Variants in CEP85L observed in about 807,000 individuals in gnomAD.
The protein encoded by CEP85L is centrosomal protein 85L, also known as centrosomal protein of 85 kDa-like.
In CEP85L, 60 loss-of-function variants were observed where a neutral mutation model predicts 100.3. The observed-to-expected ratio is 0.60, with a 90% CI of 0.49 to 0.74. CEP85L has a LOEUF of 0.74. Among genes scored for constraint, CEP85L ranks in the 30% least tolerant of loss-of-function variants. The pLI, the probability that CEP85L is intolerant of heterozygous loss-of-function variation, is 0.00. For missense variants in CEP85L, 973 were observed against 936.2 expected, an observed-to-expected ratio of 1.04 and a Z score of -0.51; for synonymous variants, 319 against 322.7, an observed-to-expected ratio of 0.99 and a Z score of 0.12.
At chr6:118,547,035 TA>T (rs1778246276) in intron 3 of CEP85L, among the ~76,000 whole-genome samples, 1 of 152,142 alleles carries the variant, frequency 6.6e-6, no homozygotes, top group South Asian at 2.1e-4. Flanking sequence ...TAAGGGCATG[TA>T]AGCAGCTGCT....
chr6:118,505,474 T>G (rs959426029), intron 5 of CEP85L, among the ~76,000 whole-genome samples: 40 of 134,780 alleles, frequency 3.0e-4, no homozygotes, highest in African/African-American at 1.1e-3. Flanking sequence ...TACAAATATA[T>G]GCATTCCTGG....
chr6:118,652,764 A>G (rs1385565639), upstream of CEP85L: 26 of 1,534,876 alleles, frequency 1.7e-5, no homozygotes, highest in East Asian at 4.9e-5. Context: ...TAGACTTCCA[A>G]TTATTTCTCC....
intron 2 of CEP85L, among the ~76,000 whole-genome samples, chr6:118,623,909 T>C (rs1451853382): frequency 1.3e-5 from 2 of 152,326 alleles, no homozygotes; most frequent in East Asian, 3.9e-4. Flanking sequence ...TTCCCATCTA[T>C]GGATCCCTTG....
intron 3 of CEP85L, among the ~76,000 whole-genome samples, chr6:118,561,048 A>G (rs143537451): frequency 3.0e-4 from 45 of 152,210 alleles, no homozygotes; most frequent in Non-Finnish European, 5.6e-4. Flanking sequence ...TGCTAACTCA[A>G]TAGTGAAGGA....
At chr6:118,501,986 C>A in intron 5 of CEP85L, 1 of 832,328 alleles carries the variant, frequency 1.2e-6, no homozygotes. Flanking sequence ...GGAAAACTGA[C>A]CAGGTGGCTT....
intron 10 of CEP85L, among the ~76,000 whole-genome samples, chr6:118,475,088 T>C (rs1773252550): frequency 2.6e-5 from 4 of 152,176 alleles, no homozygotes. Context: ...CTGGATATGG[T>C]CAAGAGTCAC....
chr6:118,588,416 C>G (rs895567883), intron 2 of CEP85L, among the ~76,000 whole-genome samples: 1 of 152,210 alleles, frequency 6.6e-6, no homozygotes, highest in African/African-American at 2.4e-5. Flanking sequence ...GGTAGTAGCA[C>G]AAAATCGACA....
At chr6:118,589,977 C>G (rs527375221) in intron 2 of CEP85L, among the ~76,000 whole-genome samples, 54 of 152,270 alleles carry the variant, frequency 3.5e-4, no homozygotes, top group African/African-American at 1.0e-3. Context: ...CAGCACTACC[C>G]TCCTCTCTCC....
At chr6:118,602,702 C>T (rs1459932877) in intron 2 of CEP85L, among the ~76,000 whole-genome samples, 3 of 152,132 alleles carry the variant, frequency 2.0e-5, no homozygotes, top group Non-Finnish European at 4.4e-5. Flanking sequence ...GACCGATATG[C>T]TTTATAAAAC....
At chr6:118,593,492 A>T (rs150963479) in intron 2 of CEP85L, among the ~76,000 whole-genome samples, 167 of 152,194 alleles carry the variant, frequency 1.1e-3, no homozygotes, top group African/African-American at 3.9e-3. Flanking sequence ...GAGAGGTGCT[A>T]CACACTTTTA....
At chr6:118,651,716 G>T, upstream of CEP85L, 1 of 863,062 alleles carries the variant, frequency 1.2e-6, no homozygotes, top group Non-Finnish European at 1.4e-6. Context: ...GGGACTGCGG[G>T]GGGCGGGTGA....
chr6:118,540,505 C>G (rs910530399), intron 3 of CEP85L, among the ~76,000 whole-genome samples: 4 of 152,104 alleles, frequency 2.6e-5, no homozygotes, highest in Middle Eastern at 3.4e-3. Context: ...ACCTGTAATC[C>G]CAGCACTTTG....
Position 118,465,541 on chromosome 6 carries a change from TCA to T in CEP85L, c.2280_2281del (p.Asn762Ter). 1.9e-6 allele frequency: 3 copies of T among 1,613,412 alleles called. No homozygotes were observed. The highest frequency in any genetic ancestry group is 2.5e-6 in the Non-Finnish European group (3 of 1,179,568). On this transcript the variant is annotated frameshift_variant, in exon 13 of 13. Transcript: ENST00000368491. LOFTEE classifies it high-confidence loss of function. ...GAGTGTTTCTGTGCTGTGGTCATTCTCAGTCTCTTCAGCTGAACAGTTCATTG... is the reference window on the plus strand; with the variant it reads ...GAGTGTTTCTGTGCTGTGGTCATTCTGTCTCTTCAGCTGAACAGTTCATTG...
intron 5 of CEP85L, among the ~76,000 whole-genome samples, chr6:118,510,630 T>G (rs529994869): frequency 7.9e-5 from 12 of 152,162 alleles, no homozygotes; most frequent in Non-Finnish European, 1.5e-4. Context: ...TGAGAGTTCT[T>G]ATACACTGCT....
chr6:118,506,876 G>C (rs904038469), intron 5 of CEP85L, among the ~76,000 whole-genome samples: 1 of 151,978 alleles, frequency 6.6e-6, no homozygotes, highest in African/African-American at 2.4e-5. Flanking sequence ...AAAAACACTT[G>C]CTTGCTTTCC....
intron 1 of CEP85L, among the ~76,000 whole-genome samples, chr6:118,706,807 T>A (rs1777606128): frequency 6.6e-6 from 1 of 151,986 alleles, no homozygotes; most frequent in African/African-American, 2.4e-5. Context: ...CCAATCACAA[T>A]CCCCTCCTCT....
At chr6:118,605,019 T>C (rs1381576894) in intron 2 of CEP85L, among the ~76,000 whole-genome samples, 1 of 152,288 alleles carries the variant, frequency 6.6e-6, no homozygotes, top group East Asian at 1.9e-4. Context: ...CAACACATAT[T>C]AATACATAGA....
At chr6:118,516,047 G>A (rs2114741205) in intron 4 of CEP85L, among the ~76,000 whole-genome samples, 1 of 152,224 alleles carries the variant, frequency 6.6e-6, no homozygotes, top group South Asian at 2.1e-4. Context: ...ATGGTTTCCA[G>A]CTTCATCCAT....
intron 1 of CEP85L, among the ~76,000 whole-genome samples, chr6:118,699,036 T>C (rs1175047863): frequency 6.6e-6 from 1 of 152,090 alleles, no homozygotes; most frequent in Admixed American, 6.5e-5. Flanking sequence ...GTTCAGGGGC[T>C]TATTAGAATG....
Sources: allele counts gnomAD v4.1 joint callset (sites outside exome capture counted in the v4.1 genomes callset), GRCh38; gene constraint gnomAD v4.1.1; transcripts MANE v1.5; gene names NCBI Gene and HGNC (gene_info 2026-07-23, HGNC 2026-07-21).